TAF2: variants seen among roughly 807,000 people sequenced by gnomAD.
TAF2 encodes the protein TATA-box binding protein associated factor 2.
TAF2 carries 61 observed loss-of-function variants against 138.5 expected under a neutral mutation model. The observed-to-expected ratio is 0.44, with a 90% CI of 0.36 to 0.54. The LOEUF (loss-of-function observed/expected upper bound fraction) is 0.54, where lower values mean the gene tolerates loss of function less well. Among genes scored for constraint, TAF2 ranks in the 20% least tolerant of loss-of-function variants. TAF2 has a pLI of 0.00. For missense variants in TAF2, 1,090 were observed against 1,427.9 expected, an observed-to-expected ratio of 0.76 and a Z score of 3.81; for synonymous variants, 475 against 469.9, an observed-to-expected ratio of 1.01 and a Z score of -0.14.
chr8:119,799,378 T>C (rs1824074372), intron 6 of TAF2, among the ~76,000 whole-genome samples: 2 of 151,750 alleles, frequency 1.3e-5, no homozygotes, highest in Admixed American at 1.3e-4. Flanking sequence ...CATTGTTCAG[T>C]TCCCACCTAT....
chr8:119,742,473 T>C, intron 25 of TAF2, 61 bp downstream of exon 25: 6 of 1,586,244 alleles, frequency 3.8e-6, no homozygotes, highest in Non-Finnish European at 5.2e-6. Flanking sequence ...GAAGTAACTC[T>C]ATTACATTTA....
chr8:119,819,720 G>A (rs577228095), intron 2 of TAF2, among the ~76,000 whole-genome samples: 1 of 152,028 alleles, frequency 6.6e-6, no homozygotes, highest in African/African-American at 2.4e-5. Context: ...CATCCTGGTG[G>A]TTCATATTCA....
chr8:119,787,887 A>G (rs1485565409), intron 14 of TAF2, among the ~76,000 whole-genome samples: 1 of 152,206 alleles, frequency 6.6e-6, no homozygotes, highest in Non-Finnish European at 1.5e-5. Flanking sequence ...GCACATATAC[A>G]CCATAGAACA....
rs905507483 is a variant in TAF2 at position 119,731,163 on chromosome 8, A to G, written c.*761T>C. The G allele has an allele frequency of 9.2e-5, 14 of 152,188 alleles. No individual in the cohort carries two copies. Among genetic ancestry groups the G allele is most frequent in the African/African-American group, 3.4e-4 (14 of 41,456 alleles). The allele number at this position is 152,188 out of a possible 1,614,324, so 9.4% of individuals were successfully genotyped here. ...TAAGCAAAACATATTTTACATATGA[A>G]TATTTTCATTTATACTTACTGGAAA... is the stretch of plus-strand genomic sequence containing the variant. On this transcript the variant is annotated 3_prime_UTR_variant, in exon 26 of 26. Transcript: ENST00000378164.
Position 119,746,631 on chromosome 8 carries a change from C to A in TAF2, c.3108+74G>T, listed in dbSNP as rs1819993753. On this transcript the variant is annotated intron_variant, in intron 23 of 25. Transcript: ENST00000378164. Reference sequence around the variant, plus strand: ...TTAGTGGCTATAAAATTCACTAGTTCACAGGAAACAATTCTCTTCTCTAGA... The same window carrying A: ...TTAGTGGCTATAAAATTCACTAGTTAACAGGAAACAATTCTCTTCTCTAGA... 5 of 1,494,548 alleles carry A rather than the reference C, an allele frequency of 3.3e-6. No homozygotes were observed. The African/African-American group carries it at 5.5e-5, about 16-fold the overall frequency. The allele number at this position is 1,494,548 out of a possible 1,614,324, so 92.6% of individuals were successfully genotyped here.
chr8:119,764,352 A>G (rs1378041662), intron 18 of TAF2, among the ~76,000 whole-genome samples: 1 of 152,160 alleles, frequency 6.6e-6, no homozygotes, highest in Non-Finnish European at 1.5e-5. Context: ...TACTGAATTT[A>G]CAACACCTAA....
At chr8:119,823,726 T>A (rs1480929452) in intron 2 of TAF2, among the ~76,000 whole-genome samples, 1 of 152,182 alleles carries the variant, frequency 6.6e-6, no homozygotes, top group East Asian at 1.9e-4. Flanking sequence ...ACTTTGGAAC[T>A]AGGTAATAGG....
At chr8:119,801,416 A>G (rs983281997) in intron 6 of TAF2, among the ~76,000 whole-genome samples, 9 of 151,728 alleles carry the variant, frequency 5.9e-5, no homozygotes, top group African/African-American at 2.2e-4. Flanking sequence ...AAGGAAGACA[A>G]TATTTCATTA....
chr8:119,760,627 A>G lies in TAF2; in HGVS notation c.2670T>C (p.Ala890=). Residue 890 remains alanine, a synonymous_variant, in exon 20 of 26, where the codon GCT becomes GCC. Transcript: ENST00000378164. ...TAGTATAATCAACAACTGCTTCCAA[A>G]GCTGCTATCCTAATGTCCACAAAGT... is the stretch of plus-strand genomic sequence containing the variant. ...YGHFVDIRIA[A]LEAVVDYTKV... The G allele has an allele frequency of 1.9e-6, 3 of 1,613,792 alleles. No individual in the cohort carries two copies. Among genetic ancestry groups the G allele is most frequent in the Non-Finnish European group, 2.5e-6 (3 of 1,179,956 alleles).
chr8:119,819,579 C>A, intron 2 of TAF2, 73 bp from the exon 3 acceptor site: 1 of 1,233,024 alleles, frequency 8.1e-7, no homozygotes, highest in Non-Finnish European at 1.2e-6. Flanking sequence ...TTATTTTTAC[C>A]ACTTGTACAC....
chr8:119,745,154 T>A, intron 23 of TAF2: 1 of 374,088 alleles, frequency 2.7e-6, no homozygotes, highest in Non-Finnish European at 5.3e-6. Flanking sequence ...CTAGAAATTA[T>A]CAGCAATGGG....
intron 18 of TAF2, among the ~76,000 whole-genome samples, chr8:119,776,445 G>T (rs540191574): frequency 1.9e-4 from 28 of 150,752 alleles, no homozygotes; most frequent in Non-Finnish European, 2.9e-5. Flanking sequence ...CACTTTGAAA[G>T]GCCGAGACGG....
intron 3 of TAF2, among the ~76,000 whole-genome samples, chr8:119,817,327 G>GGT (rs1825543914): frequency 6.6e-6 from 1 of 152,130 alleles, no homozygotes; most frequent in South Asian, 2.1e-4. Flanking sequence ...CCTCCTGTCA[G>GGT]ATCACCAGCA....
At chr8:119,745,156 A>G (rs1399326929) in intron 23 of TAF2, 2 of 364,122 alleles carry the variant, frequency 5.5e-6, no homozygotes, top group African/African-American at 2.1e-5. Flanking sequence ...AGAAATTATC[A>G]GCAATGGGCT....
intron 6 of TAF2, among the ~76,000 whole-genome samples, chr8:119,801,268 A>G (rs1423548257): frequency 6.6e-6 from 1 of 152,190 alleles, no homozygotes; most frequent in Admixed American, 6.5e-5. Context: ...TTGAAATGCT[A>G]AGACTCTGTT....
At chr8:119,790,791 C>T (rs1181872933) in intron 11 of TAF2, among the ~76,000 whole-genome samples, 1 of 150,486 alleles carries the variant, frequency 6.6e-6, no homozygotes, top group Non-Finnish European at 1.5e-5. Context: ...ACTTTCATCC[C>T]CACAATTCTA....
At chr8:119,757,605 T>TA (rs1820784306) in intron 21 of TAF2, among the ~76,000 whole-genome samples, 4 of 151,492 alleles carry the variant, frequency 2.6e-5, no homozygotes, top group East Asian at 1.9e-4. Flanking sequence ...TTTTTTTTTT[T>TA]AGCTGAGTGC....
intron 4 of TAF2, 88 bp downstream of exon 4, chr8:119,806,195 C>T: frequency 1.8e-6 from 2 of 1,112,550 alleles, no homozygotes; most frequent in Non-Finnish European, 1.4e-6. Context: ...AGGCACAGTG[C>T]CTGCATCATT....
chr8:119,731,860 A>T lies in TAF2; in HGVS notation c.*64T>A. ...CCCTCCCTTTTATAATTCTTCACAG[A>T]GGACAAAGCTTTAGTTACATACATT... On this transcript the variant is annotated 3_prime_UTR_variant, in exon 26 of 26. Transcript: ENST00000378164. 1 of 1,503,844 alleles carries T rather than the reference A, an allele frequency of 6.6e-7. No individual in the cohort carries two copies. The highest frequency in any genetic ancestry group is 9.2e-7 in the Non-Finnish European group (1 of 1,081,208). 93.2% of individuals were successfully genotyped at this position (1,503,844 alleles called of 1,614,324 possible). A position where few individuals can be genotyped will look rare whatever the true frequency, so the allele number is the denominator to read the frequency against.
Sources: allele counts gnomAD v4.1 joint callset (sites outside exome capture counted in the v4.1 genomes callset), GRCh38; gene constraint gnomAD v4.1.1; transcripts MANE v1.5; gene names NCBI Gene and HGNC (gene_info 2026-07-23, HGNC 2026-07-21).